Variants in ATAD1 observed in about 807,000 individuals in gnomAD.
ATAD1 encodes outer mitochondrial transmembrane helix translocase.
In ATAD1, 18 loss-of-function variants were observed where a neutral mutation model predicts 42.7. That is an observed-to-expected ratio of 0.42 (90% CI 0.29 to 0.63). The LOEUF (loss-of-function observed/expected upper bound fraction) is 0.63, where lower values mean the gene tolerates loss of function less well. Ranked by LOEUF, ATAD1 falls within the 20% of genes least tolerant of loss-of-function variation. The probability of loss-of-function intolerance (pLI) is 0.19; values close to 1 mark genes in which losing one functional copy is unlikely to be tolerated. For missense variants in ATAD1, 294 were observed against 440.4 expected (o/e 0.67, Z 2.98); for synonymous variants, 132 against 143.1 (o/e 0.92, Z 0.55).
chr10:87,804,378 T>C (rs1856832975), intron 2 of ATAD1, among the ~76,000 whole-genome samples: 1 of 152,140 alleles, frequency 6.6e-6, no homozygotes, highest in Non-Finnish European at 1.5e-5. Context: ...AGTCTAATTA[T>C]TATTATTTTG....
intron 9 of ATAD1, among the ~76,000 whole-genome samples, chr10:87,755,998 T>C (rs990766498): frequency 6.6e-6 from 1 of 152,096 alleles, no homozygotes; most frequent in Non-Finnish European, 1.5e-5. Context: ...GTTGACAGAG[T>C]AGCTTTCATG....
At chr10:87,786,847 G>A (rs12573349) in intron 4 of ATAD1, among the ~76,000 whole-genome samples, 1 of 151,774 alleles carries the variant, frequency 6.6e-6, no homozygotes, top group Admixed American at 6.6e-5. Flanking sequence ...CCCAGCTACT[G>A]GGGAGGCTGA....
intron 1 of ATAD1, among the ~76,000 whole-genome samples, chr10:87,836,473 G>C (rs1307748981): frequency 2.0e-5 from 3 of 152,182 alleles, no homozygotes; most frequent in African/African-American, 7.2e-5. Context: ...TGGGTTGACA[G>C]GTTTTTACTT....
chr10:87,789,466 AT>A (rs112203585), intron 4 of ATAD1, among the ~76,000 whole-genome samples: 2 of 152,336 alleles, frequency 1.3e-5, no homozygotes, highest in African/African-American at 4.8e-5. Context: ...CATGCCTGTA[AT>A]CCCAGCACTC....
At chr10:87,762,428 T>C (rs1854522642) in intron 8 of ATAD1, among the ~76,000 whole-genome samples, 1 of 152,116 alleles carries the variant, frequency 6.6e-6, no homozygotes, top group Non-Finnish European at 1.5e-5. Context: ...CTGTTAAAGG[T>C]TTACCAATTG....
chr10:87,766,594 C>A lies in ATAD1; in HGVS notation c.831+1079G>T, dbSNP rs181996576. Among the ~76,000 whole-genome samples, 932 of 152,092 alleles carry A rather than the reference C, an allele frequency of 6.1e-3. 10 individuals are homozygous for A. Among genetic ancestry groups the A allele is most frequent in the South Asian group, 0.017 (81 of 4,804 alleles). On this transcript the variant is annotated intron_variant, in intron 8 of 9. Transcript: ENST00000680024. Reference sequence around the variant, plus strand: ...GGCCAGGAGTTTGAGACCAGCCGGGCCAACATGGTGAAACCATGGTAAAAA... The same window carrying A: ...GGCCAGGAGTTTGAGACCAGCCGGGACAACATGGTGAAACCATGGTAAAAA...
intron 2 of ATAD1, among the ~76,000 whole-genome samples, chr10:87,793,828 T>G (rs1856245240): frequency 1.3e-5 from 2 of 152,212 alleles, no homozygotes; most frequent in African/African-American, 4.8e-5. Context: ...ATATAGAATC[T>G]TGCTGTCTAT....
chr10:87,780,217 A>G (rs1855501397), intron 5 of ATAD1, among the ~76,000 whole-genome samples: 1 of 152,226 alleles, frequency 6.6e-6, no homozygotes, highest in Non-Finnish European at 1.5e-5. Context: ...TGAAAAGATT[A>G]CATAATGTAT....
At chr10:87,757,351 G>A (rs180919369) in intron 8 of ATAD1, among the ~76,000 whole-genome samples, 331 of 151,166 alleles carry the variant, frequency 2.2e-3, no homozygotes, top group Admixed American at 6.1e-3. Context: ...CATGAATTTA[G>A]CACCTATACT....
intron 2 of ATAD1, among the ~76,000 whole-genome samples, chr10:87,811,805 C>T (rs143889268): frequency 1.1e-4 from 16 of 152,288 alleles, no homozygotes; most frequent in East Asian, 3.9e-4. Context: ...TTCAGACCTG[C>T]AACTTCAATT....
intron 5 of ATAD1, among the ~76,000 whole-genome samples, chr10:87,777,893 A>G (rs1003834965): frequency 1.3e-5 from 2 of 152,178 alleles, no homozygotes; most frequent in East Asian, 3.8e-4. Flanking sequence ...ATTTATTTAA[A>G]GTTTAATTCT....
chr10:87,763,067 C>T (rs759971752), intron 8 of ATAD1, among the ~76,000 whole-genome samples: 1 of 106,146 alleles, frequency 9.4e-6, no homozygotes, highest in South Asian at 3.0e-4. Context: ...GGCGACAGAG[C>T]GAGACTCTGT....
intron 8 of ATAD1, among the ~76,000 whole-genome samples, chr10:87,760,318 G>C (rs1208281214): frequency 2.6e-5 from 4 of 152,098 alleles, no homozygotes; most frequent in Non-Finnish European, 5.9e-5. Context: ...TAGTGAGTGA[G>C]TTCTCTCAAG....
intron 5 of ATAD1, among the ~76,000 whole-genome samples, chr10:87,780,686 G>A (rs1855521701): frequency 1.3e-5 from 2 of 152,182 alleles, no homozygotes; most frequent in Admixed American, 6.5e-5. Context: ...CTGAACATAA[G>A]AGTTGGAAAA....
chr10:87,840,052 A>C (rs1466722759), intron 1 of ATAD1, among the ~76,000 whole-genome samples: 1 of 152,186 alleles, frequency 6.6e-6, no homozygotes, highest in Admixed American at 6.5e-5. Context: ...AAAATACTGT[A>C]GTTTTTCTCT....
At chr10:87,762,661 T>A (rs1197295827) in intron 8 of ATAD1, among the ~76,000 whole-genome samples, 7 of 149,978 alleles carry the variant, frequency 4.7e-5, no homozygotes, top group Admixed American at 1.3e-4. Flanking sequence ...AGAGACAGGG[T>A]TTCACCATGT....
intron 5 of ATAD1, among the ~76,000 whole-genome samples, chr10:87,777,186 G>A (rs537766024): frequency 6.6e-6 from 1 of 152,294 alleles, no homozygotes; most frequent in South Asian, 2.1e-4. Flanking sequence ...ATGAAAGCCT[G>A]TGTGTTTTGC....
intron 5 of ATAD1, among the ~76,000 whole-genome samples, chr10:87,781,221 GA>G (rs1246178164): frequency 6.6e-6 from 1 of 151,712 alleles, no homozygotes; most frequent in Non-Finnish European, 1.5e-5. Context: ...TAGAATTTCA[GA>G]AAAGAGCAAT....
At chr10:87,779,784 A>AT (rs1422834940) in intron 5 of ATAD1, among the ~76,000 whole-genome samples, 2 of 152,258 alleles carry the variant, frequency 1.3e-5, no homozygotes, top group African/African-American at 4.8e-5. Flanking sequence ...ATACCTATAT[A>AT]TCTATTACAA....
Sources: gnomAD v4.1 joint callset for allele counts (sites outside exome capture counted in the v4.1 genomes callset) on GRCh38, gnomAD v4.1.1 for gene constraint, MANE v1.5 for transcripts, NCBI Gene and HGNC (gene_info 2026-07-23, HGNC 2026-07-21) for gene names.